The following CD8B variants were observed in gnomAD, a reference collection of about 807,000 sequenced individuals.
CD8B encodes T-cell surface glycoprotein CD8 beta chain.
Under a neutral mutation model 24.2 loss-of-function variants are expected in CD8B, and 6 were observed. That is an observed-to-expected ratio of 0.25 (90% CI 0.14 to 0.49). The LOEUF (loss-of-function observed/expected upper bound fraction) is 0.49. CD8B is among the 20% of genes least tolerant of loss of function. The pLI is 0.98. For missense variants in CD8B, 196 were observed against 271.3 expected (o/e 0.72, Z 1.95); for synonymous variants, 84 against 108.3 (o/e 0.78, Z 1.39).
chr2:86,824,960 C>T (rs1674619378), intron 5 of CD8B, among the ~76,000 whole-genome samples: 2 of 152,182 alleles, frequency 1.3e-5, no homozygotes, highest in Admixed American at 1.3e-4. Flanking sequence ...TTCTAGAACA[C>T]ATAACTAATG....
chr2:86,850,342 C>A (rs1404550581), intron 3 of CD8B, among the ~76,000 whole-genome samples: 2 of 152,118 alleles, frequency 1.3e-5, no homozygotes, highest in African/African-American at 2.4e-5. Context: ...GGTCCCCCAG[C>A]ACCTAAGGGT....
intron 5 of CD8B, chr2:86,821,689 G>A: frequency 2.3e-6 from 1 of 426,134 alleles, no homozygotes; most frequent in Non-Finnish European, 4.9e-6. Context: ...CCCCCAAATG[G>A]AACATTTTCC....
intron 5 of CD8B, 72 bp downstream of exon 5, chr2:86,844,850 C>A (rs1487909873): frequency 6.4e-7 from 1 of 1,552,550 alleles, no homozygotes; most frequent in Non-Finnish European, 8.7e-7. Context: ...TTTGGCTCCT[C>A]GCTGCAGTTA....
At chr2:86,861,356 C>G (rs955936077) in intron 1 of CD8B, among the ~76,000 whole-genome samples, 1 of 152,206 alleles carries the variant, frequency 6.6e-6, no homozygotes, top group East Asian at 1.9e-4. Context: ...CCTAGCCCTC[C>G]GAGAACTGAG....
At chr2:86,832,501 G>T (rs1028798093) in intron 5 of CD8B, among the ~76,000 whole-genome samples, 5 of 150,776 alleles carry the variant, frequency 3.3e-5, no homozygotes, top group Non-Finnish European at 5.9e-5. Context: ...AAAAAAAAGA[G>T]ATATCATATC....
chr2:86,828,453 G>T (rs144987676), intron 5 of CD8B, among the ~76,000 whole-genome samples: 1 of 151,784 alleles, frequency 6.6e-6, no homozygotes. Context: ...ATGATGATTT[G>T]TTTCCCCTTC....
chr2:86,853,886 C>T (rs536690041), intron 2 of CD8B, among the ~76,000 whole-genome samples: 12 of 151,958 alleles, frequency 7.9e-5, no homozygotes, highest in East Asian at 1.9e-4. Flanking sequence ...CTGCATTCGT[C>T]GTGCCACTGC....
chr2:86,843,886 C>G (rs1675548243), intron 5 of CD8B, among the ~76,000 whole-genome samples: 1 of 152,168 alleles, frequency 6.6e-6, no homozygotes, highest in South Asian at 2.1e-4. Flanking sequence ...GGATTCAAAC[C>G]CAGCCCTGTC....
At chr2:86,821,834 C>A in intron 5 of CD8B, 1 of 328,924 alleles carries the variant, frequency 3.0e-6, no homozygotes, top group Non-Finnish European at 6.6e-6. Context: ...CCTGCTTCCT[C>A]CACCCTTCTC....
chr2:86,846,068 GC>G (rs1179056897), intron 4 of CD8B, among the ~76,000 whole-genome samples: 12 of 152,212 alleles, frequency 7.9e-5, no homozygotes, highest in African/African-American at 2.9e-4. Context: ...CTCTAGGGCA[GC>G]CATGCAGGCC....
intron 5 of CD8B, chr2:86,832,869 C>T: frequency 5.6e-6 from 1 of 179,714 alleles, no homozygotes; most frequent in Non-Finnish European, 1.2e-5. Context: ...AAATTTATCC[C>T]TTTTCCAGGG....
intron 5 of CD8B, among the ~76,000 whole-genome samples, chr2:86,821,077 G>A (rs1029585816): frequency 1.3e-5 from 2 of 151,720 alleles, no homozygotes; most frequent in East Asian, 1.9e-4. Context: ...AACCACAGGC[G>A]GTGTAGCTGG....
chr2:86,830,341 C>G (rs758823978), intron 5 of CD8B, among the ~76,000 whole-genome samples: 9 of 152,076 alleles, frequency 5.9e-5, no homozygotes, highest in Non-Finnish European at 1.0e-4. Flanking sequence ...AGCACTTTGG[C>G]GAGTCAGTTG....
intron 2 of CD8B, among the ~76,000 whole-genome samples, chr2:86,855,265 C>T (rs529334522): frequency 5.3e-5 from 8 of 152,154 alleles, no homozygotes; most frequent in Non-Finnish European, 7.3e-5. Flanking sequence ...GGAGAGAACA[C>T]GATCTGTTTG....
intron 3 of CD8B, 46 bp downstream of exon 3, chr2:86,852,951 G>C (rs764062241): frequency 1.5e-6 from 2 of 1,336,056 alleles, no homozygotes; most frequent in African/African-American, 3.0e-5. Context: ...GAGGGCAAGG[G>C]GATGTCTGCC....
rs544995084 is a variant in CD8B, at chr2:86,820,188, G to C, written c.621-4470C>G. 3.3e-4 allele frequency among the ~76,000 whole-genome samples: 50 copies of C among 152,350 alleles called. No individual in the cohort carries two copies. The South Asian group carries it at 9.7e-3, about 30-fold the overall frequency. ...ATTGTTGAAATGACAACAGAAGATA[G>C]AGAATGTTACATAAACTTAGTTGAG... On this transcript the variant is annotated intron_variant, in intron 5 of 5. Transcript: ENST00000331469.
chr2:86,835,052 C>T (rs1349198372), downstream of CD8B, among the ~76,000 whole-genome samples: 2 of 152,094 alleles, frequency 1.3e-5, no homozygotes, highest in African/African-American at 4.8e-5. Flanking sequence ...GATAAAAGGC[C>T]GACAGTATTA....
At chr2:86,855,526 C>A (rs964804908) in intron 2 of CD8B, among the ~76,000 whole-genome samples, 1 of 152,218 alleles carries the variant, frequency 6.6e-6, no homozygotes, top group Non-Finnish European at 1.5e-5. Context: ...ATTCTAGAAC[C>A]TGTGCTTCTC....
At chr2:86,833,526 CCG>C (rs1160320333), downstream of CD8B, among the ~76,000 whole-genome samples, 123 of 129,168 alleles carry the variant, frequency 9.5e-4, no homozygotes, top group African/African-American at 3.5e-3. Context: ...CCCCTCCCCT[CCG>C]CTCTCCTCCC....
Sources: gnomAD v4.1 joint callset for allele counts (sites outside exome capture counted in the v4.1 genomes callset) on GRCh38, gnomAD v4.1.1 for gene constraint, MANE v1.5 for transcripts, NCBI Gene and HGNC (gene_info 2026-07-23, HGNC 2026-07-21) for gene names.